Variants in NPAS3 observed in about 807,000 individuals in gnomAD.
NPAS3 encodes neuronal PAS domain protein 3, also known as neuronal PAS domain-containing protein 3.
In NPAS3, 14 loss-of-function variants were observed where a neutral mutation model predicts 73.1. That is an observed-to-expected ratio of 0.19 (90% CI 0.13 to 0.30). The LOEUF is 0.30. Among genes scored for constraint, NPAS3 ranks in the 10% least tolerant of loss-of-function variants. The probability of loss-of-function intolerance (pLI) is 1.00; values close to 1 mark genes in which losing one functional copy is unlikely to be tolerated. For missense variants in NPAS3, 1,096 were observed against 1,250.0 expected (o/e 0.88, Z 1.86); for synonymous variants, 620 against 541.5 (o/e 1.14, Z -2.01).
intron 2 of NPAS3, among the ~76,000 whole-genome samples, chr14:33,163,361 A>G (rs1462322044): frequency 6.6e-6 from 1 of 152,240 alleles, no homozygotes; most frequent in Non-Finnish European, 1.5e-5. Context: ...CATGTAAGAT[A>G]GCAGAGGTAA....
At position 33,091,355 on chromosome 14, in the gene NPAS3, T is replaced by C. The variant is rs185748181; in HGVS notation, c.140+35361T>C. On this transcript the variant is annotated intron_variant, in intron 2 of 11. Coordinates refer to ENST00000356141, the Ensembl canonical transcript of NPAS3. The stretch of plus-strand genomic sequence containing the variant: ...TACAAACTACCATGAGAGAATACTA[T>C]AAACACCTCTACACAAATAAACTAG... Among the ~76,000 whole-genome samples, 91 of 152,222 alleles carry C rather than the reference T, an allele frequency of 6.0e-4. 1 individual carries two copies. The highest frequency in any genetic ancestry group is 5.0e-3 in the Admixed American group (76 of 15,296).
At chr14:33,093,476 C>G (rs904602124) in intron 2 of NPAS3, among the ~76,000 whole-genome samples, 5 of 152,210 alleles carry the variant, frequency 3.3e-5, no homozygotes, top group African/African-American at 1.2e-4. Flanking sequence ...ACAACAGGTG[C>G]TGGAGACGAT....
intron 3 of NPAS3, among the ~76,000 whole-genome samples, chr14:33,288,194 G>A (rs955222032): frequency 2.0e-5 from 3 of 152,162 alleles, no homozygotes; most frequent in African/African-American, 7.2e-5. Flanking sequence ...AAGTCCAGGA[G>A]TCTCAGCCCT....
intron 3 of NPAS3, among the ~76,000 whole-genome samples, chr14:33,286,858 T>C (rs931938926): frequency 7.9e-5 from 12 of 152,180 alleles, no homozygotes; most frequent in African/African-American, 2.7e-4. Context: ...ATCCCTTTGA[T>C]GCAGTGAAAA....
intron 1 of NPAS3, among the ~76,000 whole-genome samples, chr14:32,958,471 C>A (rs1191320917): frequency 6.6e-6 from 1 of 152,196 alleles, no homozygotes; most frequent in South Asian, 2.1e-4. Context: ...TGATGCCATG[C>A]TTTTCTGGTA....
intron 9 of NPAS3, among the ~76,000 whole-genome samples, chr14:33,789,583 C>CTTTTTTTTTTTTTTT (rs10567527): frequency 6.5e-5 from 6 of 92,410 alleles, no homozygotes; most frequent in East Asian, 3.8e-4. Flanking sequence ...TAGAGTACAA[C>CTTTTTTTTTTTTTTT]TTTTTTTTTT....
rs1240440272 is a variant in NPAS3 at position 33,800,362 on chromosome 14, C to T, written c.2055C>T (p.Pro685=). ...AGTCCCCCTACAGCATGACCAAGCC[C>T]CCCAGCTCTGAGCACTTCCCGTCCC... Residue 685 remains proline (P), a synonymous_variant, in exon 12 of 12, where the codon CCC becomes CCT. Coordinates refer to ENST00000356141, the Ensembl canonical transcript of NPAS3. The surrounding 1 kb of genome is among the most constrained non-coding windows in gnomAD (Gnocchi z 6.5). The T allele has an allele frequency of 1.2e-6, 2 of 1,611,890 alleles. No homozygotes were observed. The highest frequency in any genetic ancestry group is 2.7e-5 in the African/African-American group (2 of 74,744).
At chr14:33,699,494 GGCGCCAGGAAAGT>G (rs1238209379) in intron 6 of NPAS3, among the ~76,000 whole-genome samples, 21 of 152,166 alleles carry the variant, frequency 1.4e-4, no homozygotes, top group African/African-American at 4.8e-4. Context: ...AGACAGAAAG[GGCGCCAGGAAAGT>G]GGCTGCATTC....
intron 7 of NPAS3, among the ~76,000 whole-genome samples, chr14:33,743,041 A>G (rs532117838): frequency 1.5e-4 from 23 of 149,524 alleles, no homozygotes; most frequent in Admixed American, 1.3e-3. Context: ...AGTCTTGAGC[A>G]CCTCAAAGTC....
rs143278795 is a variant in NPAS3, at chr14:33,442,373, G to T, written c.468+75105G>T. 3.5e-3 allele frequency among the ~76,000 whole-genome samples: 529 copies of T among 151,838 alleles called. 9 individuals are homozygous for T. The highest frequency in any genetic ancestry group is 0.012 in the African/African-American group (501 of 41,378). On this transcript the variant is annotated intron_variant, in intron 4 of 11. Transcript: ENST00000356141. ...GAGGGAGGATTGCGTGAGCCCAGGG[G>T]TTGGAATCCAGCCTGGGCAACAGAG...
intron 5 of NPAS3, among the ~76,000 whole-genome samples, chr14:33,627,912 A>G (rs1024464003): frequency 5.3e-5 from 8 of 152,344 alleles, no homozygotes; most frequent in Admixed American, 3.3e-4. Flanking sequence ...TAAACCCTCA[A>G]GAAAATCTCT....
chr14:33,452,269 G>T (rs1241157985), intron 4 of NPAS3, among the ~76,000 whole-genome samples: 1 of 152,166 alleles, frequency 6.6e-6, no homozygotes, highest in South Asian at 2.1e-4. Flanking sequence ...CATGCTTAAA[G>T]TTTCTGTGAA....
intron 4 of NPAS3, among the ~76,000 whole-genome samples, chr14:33,400,493 C>G (rs770242959): frequency 7.2e-5 from 11 of 152,004 alleles, no homozygotes; most frequent in Non-Finnish European, 1.3e-4. Flanking sequence ...TAACTAAAGG[C>G]GAAGACTGGT....
chr14:32,960,660 A>G (rs1007516439), intron 1 of NPAS3, among the ~76,000 whole-genome samples: 1 of 152,222 alleles, frequency 6.6e-6, no homozygotes, highest in African/African-American at 2.4e-5. Flanking sequence ...GTTTTTTAAA[A>G]CATTATTTGG....
chr14:33,312,711 C>T (rs2043052304), intron 3 of NPAS3, among the ~76,000 whole-genome samples: 1 of 151,970 alleles, frequency 6.6e-6, no homozygotes, highest in South Asian at 2.1e-4. Flanking sequence ...TGACGTGAAG[C>T]TCTGTACTTG....
At chr14:33,658,027 C>T (rs1432551960) in intron 5 of NPAS3, among the ~76,000 whole-genome samples, 2 of 152,226 alleles carry the variant, frequency 1.3e-5, no homozygotes, top group African/African-American at 4.8e-5. Context: ...CCTCTCAGCC[C>T]GAAAGGGCAG....
chr14:33,217,464 CAGGTT>C (rs1269158214), intron 3 of NPAS3, among the ~76,000 whole-genome samples: 1 of 152,054 alleles, frequency 6.6e-6, no homozygotes, highest in Non-Finnish European at 1.5e-5. Flanking sequence ...ATGAGGGTAA[CAGGTT>C]AGGAACCATA....
intron 5 of NPAS3, among the ~76,000 whole-genome samples, chr14:33,632,921 C>T (rs2058421064): frequency 1.3e-5 from 2 of 152,104 alleles, no homozygotes; most frequent in Admixed American, 1.3e-4. Context: ...ATCATTCCAT[C>T]CCTATAGGAC....
intron 6 of NPAS3, among the ~76,000 whole-genome samples, chr14:33,707,412 C>T (rs527917343): frequency 4.0e-5 from 6 of 151,804 alleles, no homozygotes; most frequent in African/African-American, 1.5e-4. Flanking sequence ...CAGCGCTGTG[C>T]AAGACCCAGG....
Sources: gnomAD v4.1 joint callset for allele counts (sites outside exome capture counted in the v4.1 genomes callset) on GRCh38, gnomAD v4.1.1 for gene constraint, Gnocchi (gnomAD v3.1) non-coding constraint, MANE v1.5 for transcripts, NCBI Gene and HGNC (gene_info 2026-07-23, HGNC 2026-07-21) for gene names.